The following EXOC4 variants were observed in gnomAD, a reference collection of about 807,000 sequenced individuals.
EXOC4 encodes the protein exocyst complex component 4.
EXOC4 carries 71 observed loss-of-function variants against 107.2 expected under a neutral mutation model. The ratio of observed to expected loss-of-function variants is 0.66; its 90% CI spans 0.55 to 0.81. The LOEUF (loss-of-function observed/expected upper bound fraction) is 0.81, where lower values mean the gene tolerates loss of function less well. Among genes scored for constraint, EXOC4 ranks in the 30% least tolerant of loss-of-function variants. The probability of loss-of-function intolerance (pLI) is 0.00; values close to 1 mark genes in which losing one functional copy is unlikely to be tolerated. For missense variants in EXOC4, 1,108 were observed against 1,189.6 expected (o/e 0.93, Z 1.01); for synonymous variants, 456 against 441.2 (o/e 1.03, Z -0.42).
intron 10 of EXOC4, among the ~76,000 whole-genome samples, chr7:133,660,026 C>A (rs1472239895): frequency 1.3e-5 from 2 of 152,168 alleles, no homozygotes; most frequent in Non-Finnish European, 2.9e-5. Context: ...CACCATCAGC[C>A]ACCAACCTGC....
chr7:133,573,297 A>C (rs1170335335), intron 9 of EXOC4, among the ~76,000 whole-genome samples: 3 of 152,236 alleles, frequency 2.0e-5, no homozygotes, highest in Non-Finnish European at 2.9e-5. Context: ...AGGTGAATTG[A>C]CTAGCTATTG....
At chr7:134,073,232 A>AAAAAAAAAAAAC in the EXOC4 span, among the ~76,000 whole-genome samples, 2 of 10,726 alleles carry the variant, frequency 1.9e-4, no homozygotes, top group African/African-American at 9.2e-4. Flanking sequence ...AAAAAAAAAA[A>AAAAAAAAAAAAC]CAACAAAGAA....
intron 9 of EXOC4, among the ~76,000 whole-genome samples, chr7:133,525,062 T>G (rs531465597): frequency 6.6e-6 from 1 of 152,316 alleles, no homozygotes. Flanking sequence ...ATCTTGTAAG[T>G]GTAACATATA....
At chr7:133,776,754 G>GCCTATTCATATGCC (rs1304590951) in intron 10 of EXOC4, among the ~76,000 whole-genome samples, 2 of 152,184 alleles carry the variant, frequency 1.3e-5, no homozygotes, top group Non-Finnish European at 2.9e-5. Context: ...AAGAAGTACA[G>GCCTATTCATATGCC]AAACCTATTG....
intron 9 of EXOC4, among the ~76,000 whole-genome samples, chr7:133,519,328 T>C (rs1799938984): frequency 6.6e-6 from 1 of 151,944 alleles, no homozygotes; most frequent in South Asian, 2.1e-4. Context: ...GTGGCTGAGG[T>C]GGGATAATCG....
intron 7 of EXOC4, among the ~76,000 whole-genome samples, chr7:133,426,750 A>G (rs1563061267): frequency 1.3e-5 from 2 of 152,260 alleles, no homozygotes. Context: ...GTCATCACCA[A>G]CATCATTAAA....
intron 11 of EXOC4, among the ~76,000 whole-genome samples, chr7:133,863,428 A>G (rs1478758505): frequency 6.6e-6 from 1 of 152,218 alleles, no homozygotes; most frequent in African/African-American, 2.4e-5. Flanking sequence ...TAATAAACCA[A>G]AAAACATCGA....
At chr7:133,623,066 A>G (rs1802371621) in intron 9 of EXOC4, among the ~76,000 whole-genome samples, 1 of 152,178 alleles carries the variant, frequency 6.6e-6, no homozygotes, top group South Asian at 2.1e-4. Flanking sequence ...ATTTTTATGT[A>G]AAGGATTCAG....
chr7:133,564,179 G>C (rs1800862343), intron 9 of EXOC4, among the ~76,000 whole-genome samples: 1 of 152,192 alleles, frequency 6.6e-6, no homozygotes, highest in African/African-American at 2.4e-5. Flanking sequence ...TCTGCAGGCT[G>C]TATGGGAAGC....
intron 11 of EXOC4, among the ~76,000 whole-genome samples, chr7:133,870,364 G>A (rs931359156): frequency 1.3e-5 from 2 of 152,222 alleles, no homozygotes; most frequent in South Asian, 2.1e-4. Context: ...ACTAGACTCC[G>A]TGCTTGATTC....
intron 1 of EXOC4, among the ~76,000 whole-genome samples, chr7:133,258,354 T>C (rs1795065433): frequency 6.6e-6 from 1 of 152,212 alleles, no homozygotes; most frequent in Admixed American, 6.5e-5. Flanking sequence ...GTCAGGTTTT[T>C]TCAAGCCATT....
intron 1 of EXOC4, 36 bp downstream of exon 1, chr7:133,253,223 G>C (rs770728055): frequency 7.5e-6 from 12 of 1,603,352 alleles, no homozygotes; most frequent in South Asian, 1.1e-5. Flanking sequence ...GGGGACTGGG[G>C]GCAGCGGCTC....
chr7:133,493,152 C>T lies in EXOC4; in HGVS notation c.1417+13014C>T, dbSNP rs182478813. ...TTAAAACTGTGCCTTGGGCCTGGCA[C>T]GGTGACTCATGCCTGTAATCCCAGC... On this transcript the variant is annotated intron_variant, in intron 9 of 17. Coordinates refer to ENST00000253861, the MANE Select transcript of EXOC4 (RefSeq NM_021807.4). Among the ~76,000 whole-genome samples, 68 of 152,286 alleles carry T rather than the reference C, an allele frequency of 4.5e-4. 1 individual carries two copies. The East Asian group carries it at 0.012, about 26-fold the overall frequency.
In EXOC4 at chr7:133,918,388, C is replaced by T. The variant is rs1799859187; in HGVS notation, c.2027+650C>T. The stretch of plus-strand genomic sequence containing the variant: ...TTGTAGCCCCCATATGGGCCATACC[C>T]TTTCAAACATGAGAGTAAGATAAAT... On this transcript the variant is annotated intron_variant, in intron 13 of 17. Transcript: ENST00000253861. 4.6e-5 allele frequency among the ~76,000 whole-genome samples: 7 copies of T among 152,292 alleles called. 1 individual carries two copies. In the South Asian group the frequency reaches 1.5e-3, roughly 32 times the overall value.
At chr7:134,053,511 G>A (rs756872109) in intron 17 of EXOC4, among the ~76,000 whole-genome samples, 5 of 151,352 alleles carry the variant, frequency 3.3e-5, no homozygotes, top group East Asian at 1.9e-4. Context: ...ACTGGCTCCC[G>A]AGTCCATGAT....
At chr7:133,910,111 A>C (rs1026977021) in intron 12 of EXOC4, among the ~76,000 whole-genome samples, 1 of 151,984 alleles carries the variant, frequency 6.6e-6, no homozygotes, top group Admixed American at 6.5e-5. Context: ...TAGTAGAGAC[A>C]GGGTTTCGCC....
At chr7:133,730,373 T>C (rs1795301570) in intron 10 of EXOC4, among the ~76,000 whole-genome samples, 1 of 151,872 alleles carries the variant, frequency 6.6e-6, no homozygotes, top group Non-Finnish European at 1.5e-5. Flanking sequence ...TATGGAGCGT[T>C]AGGATTAATT....
At chr7:133,855,125 AT>A (rs1234014684) in intron 11 of EXOC4, among the ~76,000 whole-genome samples, 902 of 71,912 alleles carry the variant, frequency 0.013, 28 homozygotes, top group Non-Finnish European at 0.016. Context: ...ATATATATAT[AT>A]AAATATATAT....
intron 13 of EXOC4, among the ~76,000 whole-genome samples, chr7:133,924,346 T>C (rs549294803): frequency 6.6e-6 from 1 of 152,352 alleles, no homozygotes; most frequent in South Asian, 2.1e-4. Context: ...AACTCCTTAA[T>C]TGTATTTTAT....
Sources: gnomAD v4.1 joint callset for allele counts (sites outside exome capture counted in the v4.1 genomes callset) on GRCh38, gnomAD v4.1.1 for gene constraint, MANE v1.5 for transcripts, NCBI Gene and HGNC (gene_info 2026-07-23, HGNC 2026-07-21) for gene names.